CPEB2: variants seen among roughly 807,000 people sequenced by gnomAD.
CPEB2 encodes cytoplasmic polyadenylation element binding protein 2, also known as cytoplasmic polyadenylation element-binding protein 2.
In CPEB2, 56 loss-of-function variants were observed where a neutral mutation model predicts 93.6. The observed-to-expected ratio is 0.60, with a 90% CI of 0.48 to 0.75. The LOEUF is 0.75. CPEB2 is among the 30% of genes least tolerant of loss of function. The probability of loss-of-function intolerance (pLI) is 0.00; values close to 1 mark genes in which losing one functional copy is unlikely to be tolerated. For synonymous variants in CPEB2, 764 were observed against 586.3 expected, an observed-to-expected ratio of 1.30 and a Z score of -4.38; for missense variants, 1,579 against 1,395.1, an observed-to-expected ratio of 1.13 and a Z score of -2.10.
chr4:15,003,896 C>A lies in CPEB2; in HGVS notation c.1223C>A (p.Pro408Gln). 1.1e-6 allele frequency: 1 copy of A among 900,856 alleles called. No homozygotes were observed. The highest frequency in any genetic ancestry group is 1.5e-6 in the Non-Finnish European group (1 of 687,036). The allele number at this position is 900,856 out of a possible 1,614,324, so 55.8% of individuals were successfully genotyped here. The change falls in exon 1 of 12, where the codon CCA (proline) becomes CAA (glutamine). Residue 408 changes from proline to glutamine, a missense_variant. Pro to Gln is a moderately conservative substitution (Grantham distance 76, BLOSUM62 -1). Transcript: ENST00000538197. ...ACCCAGCCGCAGCAGCAGCCGCCGC[C>A]ACCCCAGCAGCCGCCCCAGCCGCAG... ...PPTQPQQQPP[P>Q]PQQPPQPQPQ...
Position 15,002,955 on chromosome 4 carries a change from G to A in CPEB2, c.282G>A (p.Gln94=), listed in dbSNP as rs775550591. ...SPFLAHQQTM[Q]DELLLGLTQQ... ...TCCTGGCGCATCAGCAGACCATGCA[G>A]GATGAGCTGCTTCTGGGGCTGACAC... is the stretch of plus-strand genomic sequence containing the variant. Residue 94 remains glutamine (Q), a synonymous_variant, in exon 1 of 12, where the codon CAG becomes CAA. Transcript: ENST00000538197. The A allele has an allele frequency of 2.0e-6, 3 of 1,514,876 alleles. No homozygotes were observed. The highest frequency in any genetic ancestry group is 2.5e-5 in the East Asian group (1 of 40,440). 93.8% of individuals were successfully genotyped at this position (1,514,876 alleles called of 1,614,324 possible).
chr4:15,026,473 G>A (rs541487055), intron 4 of CPEB2, among the ~76,000 whole-genome samples: 8 of 152,154 alleles, frequency 5.3e-5, no homozygotes, highest in South Asian at 2.1e-4. Flanking sequence ...TGATCCACCC[G>A]CCTGGGTCTC....
intron 11 of CPEB2, among the ~76,000 whole-genome samples, chr4:15,065,898 T>G (rs1386200547): frequency 1.3e-5 from 2 of 152,090 alleles, no homozygotes; most frequent in African/African-American, 2.4e-5. Context: ...CCCCTAACTC[T>G]GAAAATACCA....
chr4:15,048,959 A>G (rs552762732), intron 6 of CPEB2, among the ~76,000 whole-genome samples: 1 of 152,222 alleles, frequency 6.6e-6, no homozygotes, highest in African/African-American at 2.4e-5. Context: ...AATGATATAT[A>G]TTCAGTTAAC....
chr4:15,028,172 T>A (rs1277241876), intron 4 of CPEB2, among the ~76,000 whole-genome samples: 13 of 152,146 alleles, frequency 8.5e-5, no homozygotes, highest in African/African-American at 2.9e-4. Context: ...GCTTTGGAGT[T>A]CATTTCCTCT....
At chr4:15,020,465 G>C (rs1389774457) in intron 4 of CPEB2, among the ~76,000 whole-genome samples, 1 of 152,104 alleles carries the variant, frequency 6.6e-6, no homozygotes, top group African/African-American at 2.4e-5. Context: ...CTGAGGACTG[G>C]TGATTGTGCT....
At position 15,067,334 on chromosome 4, in the gene CPEB2, G is replaced by A. The variant is rs1729776044; in HGVS notation, c.*954G>A. ...ATGCAAATTAGTTTTAGATTAGAGA[G>A]TGCAGCCATTTTGTGATCTGGTCAG... On this transcript the variant is annotated 3_prime_UTR_variant, in exon 12 of 12. Transcript: ENST00000538197. The A allele has an allele frequency of 6.6e-6, 1 of 152,510 alleles. No individual in the cohort carries two copies. Among genetic ancestry groups the A allele is most frequent in the Admixed American group, 6.6e-5 (1 of 15,252 alleles). The allele number at this position is 152,510 out of a possible 1,614,324, so 9.4% of individuals were successfully genotyped here.
intron 11 of CPEB2, among the ~76,000 whole-genome samples, chr4:15,065,803 C>G (rs1055247558): frequency 6.6e-6 from 1 of 152,062 alleles, no homozygotes; most frequent in Non-Finnish European, 1.5e-5. Context: ...TGCCATCTCA[C>G]AGGTGATACT....
At chr4:15,046,732 T>C (rs1727743952) in intron 6 of CPEB2, among the ~76,000 whole-genome samples, 1 of 152,234 alleles carries the variant, frequency 6.6e-6, no homozygotes, top group Admixed American at 6.5e-5. Context: ...ATGGGAGTTC[T>C]TTATATATTT....
chr4:15,042,545 A>G (rs1415241397), intron 6 of CPEB2, among the ~76,000 whole-genome samples: 5 of 152,188 alleles, frequency 3.3e-5, no homozygotes, highest in African/African-American at 4.8e-5. Flanking sequence ...TTGGCTTAGC[A>G]TAAGGGGGAG....
chr4:15,005,787 G>A (rs111494857), intron 1 of CPEB2, among the ~76,000 whole-genome samples: 14 of 152,302 alleles, frequency 9.2e-5, no homozygotes, highest in African/African-American at 3.1e-4. Flanking sequence ...AGAGAATGTG[G>A]CCTATGAGGA....
At chr4:15,058,636 C>T in intron 9 of CPEB2, 97 bp downstream of exon 9, 1 of 730,366 alleles carries the variant, frequency 1.4e-6, no homozygotes, top group South Asian at 1.7e-5. Context: ...ATTAAACTAC[C>T]ATGTTGAGTT....
Position 15,004,183 on chromosome 4 carries a change from G to A in CPEB2, c.1510G>A (p.Ala504Thr). 8.2e-7 allele frequency: 1 copy of A among 1,220,624 alleles called. No homozygotes were observed. Among genetic ancestry groups the A allele is most frequent in the Non-Finnish European group, 1.0e-6 (1 of 960,518 alleles). 75.6% of individuals were successfully genotyped at this position (1,220,624 alleles called of 1,614,324 possible). The change falls in exon 1 of 12, where the codon GCC (alanine) becomes ACC (threonine). Residue 504 changes from alanine to threonine, a missense_variant. Transcript: ENST00000538197. ...ATAVPPPPPP[A>T]MNIPQQQPPP... Reference sequence around the variant, plus strand: ...CGCTGTGCCCCCTCCGCCGCCGCCCGCCATGAATATACCTCAACAGCAGCC... The same window carrying A: ...CGCTGTGCCCCCTCCGCCGCCGCCCACCATGAATATACCTCAACAGCAGCC...
chr4:15,066,387 C>G lies in CPEB2; in HGVS notation c.*7C>G. On this transcript the variant is annotated 3_prime_UTR_variant, in exon 12 of 12. Coordinates refer to ENST00000538197, the MANE Select transcript of CPEB2 (RefSeq NM_001177382.2). ...CCACTTCCGCTGGAACTAAGAATAGCAAACTGGCCTCTGTTTAACAAGGAA... is the reference window on the plus strand; with the variant it reads ...CCACTTCCGCTGGAACTAAGAATAGGAAACTGGCCTCTGTTTAACAAGGAA... 6 of 1,576,624 alleles carry G rather than the reference C, an allele frequency of 3.8e-6. No homozygotes were observed. The highest frequency in any genetic ancestry group is 5.2e-6 in the Non-Finnish European group (6 of 1,156,422).
chr4:15,012,789 G>A (rs1723658875), intron 3 of CPEB2, among the ~76,000 whole-genome samples: 1 of 152,114 alleles, frequency 6.6e-6, no homozygotes, highest in South Asian at 2.1e-4. Flanking sequence ...AATAATACAT[G>A]TTCAAGCATC....
intron 4 of CPEB2, among the ~76,000 whole-genome samples, chr4:15,032,657 A>G (rs974016940): frequency 6.6e-6 from 1 of 152,134 alleles, no homozygotes; most frequent in Non-Finnish European, 1.5e-5. Flanking sequence ...ATTTATTTAA[A>G]TATGACTTTA....
intron 10 of CPEB2, among the ~76,000 whole-genome samples, chr4:15,060,673 C>T (rs1444077142): frequency 5.9e-5 from 9 of 152,120 alleles, no homozygotes. Flanking sequence ...TGGCACCATT[C>T]AGAGCTCCCA....
chr4:15,059,315 T>C lies in CPEB2; in HGVS notation c.2695+14T>C. The C allele has an allele frequency of 6.6e-7, 1 of 1,511,562 alleles. No individual in the cohort carries two copies. The highest frequency in any genetic ancestry group is 9.1e-7 in the Non-Finnish European group (1 of 1,094,404). The allele number at this position is 1,511,562 out of a possible 1,614,324, so 93.6% of individuals were successfully genotyped here. ...CATTAAGGGCTGGTAAGTAGAATGT[T>C]AACAATTTTGTTTAAAAAAATCATT... On this transcript the variant is annotated intron_variant, in intron 10 of 11. Coordinates refer to ENST00000538197, the MANE Select transcript of CPEB2 (RefSeq NM_001177382.2).
chr4:15,060,014 T>A (rs1242126350), intron 10 of CPEB2, among the ~76,000 whole-genome samples: 1 of 152,164 alleles, frequency 6.6e-6, no homozygotes, highest in Non-Finnish European at 1.5e-5. Context: ...ATATCTGATA[T>A]CTTGAAGGTA....
Sources: allele counts gnomAD v4.1 joint callset (sites outside exome capture counted in the v4.1 genomes callset), GRCh38; gene constraint gnomAD v4.1.1; transcripts MANE v1.5; gene names NCBI Gene and HGNC (gene_info 2026-07-23, HGNC 2026-07-21).